DNM1L: variants seen among roughly 807,000 people sequenced by gnomAD.
DNM1L encodes dynamin 1L.
Under a neutral mutation model 92.8 loss-of-function variants are expected in DNM1L, and 33 were observed. That is an observed-to-expected ratio of 0.36 (90% CI 0.27 to 0.48). DNM1L has a LOEUF of 0.48. Ranked by LOEUF, DNM1L falls within the 20% of genes least tolerant of loss-of-function variation. The pLI, the probability that DNM1L is intolerant of heterozygous loss-of-function variation, is 0.99. For missense variants in DNM1L, 485 were observed against 888.8 expected, an observed-to-expected ratio of 0.55 and a Z score of 5.78; for synonymous variants, 284 against 305.0, an observed-to-expected ratio of 0.93 and a Z score of 0.72.
intron 9 of DNM1L, among the ~76,000 whole-genome samples, chr12:32,725,910 G>GTTTT (rs59243079): frequency 8.5e-5 from 12 of 141,706 alleles, no homozygotes; most frequent in African/African-American, 3.1e-4. Context: ...TGGCATGCCG[G>GTTTT]TTTTTTTTTT....
At chr12:32,702,961 T>C (rs1952770904) in intron 2 of DNM1L, among the ~76,000 whole-genome samples, 1 of 149,290 alleles carries the variant, frequency 6.7e-6, no homozygotes, top group Non-Finnish European at 1.5e-5. Flanking sequence ...GAATAACACT[T>C]ATAAAATTTC....
At chr12:32,705,945 ATTT>A (rs750339400) in intron 2 of DNM1L, 1 of 1,252,000 alleles carries the variant, frequency 8.0e-7, no homozygotes, top group Admixed American at 2.4e-5. Flanking sequence ...GGCTGTGTGT[ATTT>A]TTTTTTCTTC....
Position 32,745,067 on chromosome 12 carries a change from TCAAA to T in DNM1L, c.*1660_*1663del, listed in dbSNP as rs1207186663. The T allele has an allele frequency of 2.0e-6, 1 of 494,872 alleles. No individual in the cohort carries two copies. Among genetic ancestry groups the T allele is most frequent in the Admixed American group, 2.2e-5 (1 of 46,110 alleles). 30.7% of individuals were successfully genotyped at this position (494,872 alleles called of 1,614,324 possible). The stretch of plus-strand genomic sequence containing the variant: ...GGAACAACAGGCTCACCAACTGATG[TCAAA>T]CATAAAAACCCCCACATCAGTCTGA... On this transcript the variant is annotated 3_prime_UTR_variant, in exon 20 of 20. Coordinates refer to ENST00000549701, the MANE Select transcript of DNM1L (RefSeq NM_012062.5).
In DNM1L at chr12:32,743,441, A is replaced by C; in HGVS notation, c.*31A>C. On this transcript the variant is annotated 3_prime_UTR_variant, in exon 20 of 20. Transcript: ENST00000549701. ...ACTATGTAATACTGAGACTTTGTTG[A>C]CTCAAAACTTGCTAGTTACTGCCTA... The C allele has an allele frequency of 6.2e-7, 1 of 1,608,076 alleles. No individual in the cohort carries two copies. The highest frequency in any genetic ancestry group is 8.5e-7 in the Non-Finnish European group (1 of 1,174,880).
At chr12:32,683,700 A>G (rs1341734899) in intron 1 of DNM1L, among the ~76,000 whole-genome samples, 1 of 151,406 alleles carries the variant, frequency 6.6e-6, no homozygotes, top group African/African-American at 2.4e-5. Flanking sequence ...GCATGCCACC[A>G]CGCCCAGCTA....
At chr12:32,688,444 A>G (rs1952110639) in intron 1 of DNM1L, among the ~76,000 whole-genome samples, 1 of 152,106 alleles carries the variant, frequency 6.6e-6, no homozygotes, top group African/African-American at 2.4e-5. Context: ...AAACAAGTTT[A>G]TTAAAGTAAA....
chr12:32,739,512 A>G (rs1196853767), intron 16 of DNM1L, among the ~76,000 whole-genome samples: 1 of 152,238 alleles, frequency 6.6e-6, no homozygotes, highest in East Asian at 1.9e-4. Flanking sequence ...GCCTAAGAAT[A>G]GCAAATGTAG....
chr12:32,726,764 T>C, intron 9 of DNM1L: 1 of 617,526 alleles, frequency 1.6e-6, no homozygotes, highest in Admixed American at 2.9e-5. Flanking sequence ...TCTTTCCTTT[T>C]TTCCAATCTA....
intron 1 of DNM1L, among the ~76,000 whole-genome samples, chr12:32,684,346 A>C (rs1951912873): frequency 6.6e-6 from 1 of 152,260 alleles, no homozygotes; most frequent in South Asian, 2.1e-4. Context: ...TGGAAAAAGC[A>C]GGTATCACTG....
intron 15 of DNM1L, 114 bp from the exon 16 acceptor site, chr12:32,738,150 T>C (rs1955031332): frequency 2.4e-6 from 3 of 1,273,830 alleles, no homozygotes; most frequent in Admixed American, 1.9e-5. Flanking sequence ...ATATAGAAGA[T>C]GCACACAGAA....
chr12:32,697,645 G>T (rs1275517207), intron 1 of DNM1L, among the ~76,000 whole-genome samples: 2 of 152,086 alleles, frequency 1.3e-5, no homozygotes, highest in Non-Finnish European at 2.9e-5. Flanking sequence ...ACTGATTAGA[G>T]GAATGTATGT....
Position 32,686,129 on chromosome 12 carries a change from C to G in DNM1L, c.102+6664C>G, listed in dbSNP as rs150654153. ...GCAATGGCGCGATCTCGGCTCACAG[C>G]AACCTCCACCTCCCGGGTTCAAGTG... On this transcript the variant is annotated intron_variant, in intron 1 of 19. Coordinates refer to ENST00000549701, the MANE Select transcript of DNM1L (RefSeq NM_012062.5). Among the ~76,000 whole-genome samples, 36 of 146,274 alleles carry G rather than the reference C, an allele frequency of 2.5e-4. 1 individual carries two copies. The East Asian group carries it at 6.9e-3, about 28-fold the overall frequency.
chr12:32,739,867 G>T (rs1432676685), intron 16 of DNM1L, 197 bp from the exon 17 acceptor site: 5 of 638,422 alleles, frequency 7.8e-6, no homozygotes, highest in Non-Finnish European at 1.3e-5. Flanking sequence ...ACTTAGAGCA[G>T]AACTTCTTTA....
chr12:32,742,549 A>T, intron 18 of DNM1L, 40 bp from the exon 19 acceptor site: 4 of 1,613,460 alleles, frequency 2.5e-6, no homozygotes, highest in Non-Finnish European at 3.4e-6. Flanking sequence ...TTAAAAGTAG[A>T]ATTTTGGCTA....
At chr12:32,701,635 A>AT in intron 2 of DNM1L, 73 bp downstream of exon 2, 1 of 1,344,222 alleles carries the variant, frequency 7.4e-7, no homozygotes, top group Non-Finnish European at 1.1e-6. Flanking sequence ...ATATGAATTG[A>AT]TTAGATAATT....
At position 32,713,842 on chromosome 12, in the gene DNM1L, T is replaced by C. The variant is rs375926063; in HGVS notation, c.619+471T>C. Among the ~76,000 whole-genome samples, 15 of 152,186 alleles carry C rather than the reference T, an allele frequency of 9.9e-5. 3 individuals carry two copies. The highest frequency in any genetic ancestry group is 1.3e-4 in the Admixed American group (2 of 15,296). On this transcript the variant is annotated intron_variant, in intron 6 of 19. Coordinates refer to ENST00000549701, the MANE Select transcript of DNM1L (RefSeq NM_012062.5). ...AAACCAAAACACAGTAGGTAATCAT[T>C]GTAGATTATTATGGTACAGTAGAGA...
chr12:32,708,295 A>G, intron 4 of DNM1L, 71 bp downstream of exon 4: 1 of 992,258 alleles, frequency 1.0e-6, no homozygotes, highest in South Asian at 1.4e-5. Context: ...TGTACATAAT[A>G]TGTGAAGGGC....
At chr12:32,727,848 C>A (rs1954256939) in intron 9 of DNM1L, among the ~76,000 whole-genome samples, 1 of 152,120 alleles carries the variant, frequency 6.6e-6, no homozygotes, top group African/African-American at 2.4e-5. Flanking sequence ...CTGCATCTGT[C>A]TTTGGGGCTT....
chr12:32,711,018 A>G lies in DNM1L; in HGVS notation c.456+3A>G. The G allele has an allele frequency of 6.2e-7, 1 of 1,613,224 alleles. No individual in the cohort carries two copies. The highest frequency in any genetic ancestry group is 8.5e-7 in the Non-Finnish European group (1 of 1,179,214). ...TGGATTTGCCAGGAATGACCAAGGT[A>G]AGGAAGGAATAGTTGTAGATTTGGT... On this transcript the variant is annotated splice_donor_region_variant and intron_variant, in intron 5 of 19. Transcript: ENST00000549701.
Sources: allele counts gnomAD v4.1 joint callset (sites outside exome capture counted in the v4.1 genomes callset), GRCh38; gene constraint gnomAD v4.1.1; transcripts MANE v1.5; gene names NCBI Gene and HGNC (gene_info 2026-07-23, HGNC 2026-07-21).